UBTD1: variants seen among roughly 807,000 people sequenced by gnomAD.
The protein encoded by UBTD1 is ubiquitin domain-containing protein 1.
Under a neutral mutation model 21.7 loss-of-function variants are expected in UBTD1, and 19 were observed. The observed-to-expected ratio is 0.87, with a 90% confidence interval of 0.61 to 1.28. The LOEUF (loss-of-function observed/expected upper bound fraction) is 1.28. Ranked by LOEUF, UBTD1 falls within the 50% of genes most tolerant of loss-of-function variation. The pLI is 0.00. For synonymous variants in UBTD1, 116 were observed against 135.1 expected (o/e 0.86, Z 0.98); for missense variants, 282 against 315.1 (o/e 0.89, Z 0.80).
intron 1 of UBTD1, among the ~76,000 whole-genome samples, chr10:97,565,631 G>A (rs2040713961): frequency 6.6e-6 from 1 of 152,082 alleles, no homozygotes; most frequent in Non-Finnish European, 1.5e-5. Context: ...CAGACTGGGC[G>A]ACAGAGTGAC....
At chr10:97,560,997 C>T (rs964814445) in intron 1 of UBTD1, among the ~76,000 whole-genome samples, 1 of 152,110 alleles carries the variant, frequency 6.6e-6, no homozygotes, top group Non-Finnish European at 1.5e-5. Flanking sequence ...GCAGGCACGT[C>T]GTGGGTGATC....
chr10:97,557,795 T>G (rs1464068313), intron 1 of UBTD1, among the ~76,000 whole-genome samples: 2 of 152,176 alleles, frequency 1.3e-5, no homozygotes, highest in Non-Finnish European at 2.9e-5. Context: ...GGTTGGTTAT[T>G]TCCTGGGCTA....
intron 1 of UBTD1, among the ~76,000 whole-genome samples, chr10:97,506,107 A>G (rs2040398560): frequency 6.6e-6 from 1 of 152,130 alleles, no homozygotes; most frequent in Non-Finnish European, 1.5e-5. Flanking sequence ...TTTCTCTCAA[A>G]AGTGTTACCT....
intron 1 of UBTD1, among the ~76,000 whole-genome samples, chr10:97,528,308 C>G (rs1316519185): frequency 7.1e-6 from 1 of 140,624 alleles, no homozygotes; most frequent in Non-Finnish European, 1.6e-5. Context: ...GGGGCTGACC[C>G]CCAACCTCCC....
intron 1 of UBTD1, among the ~76,000 whole-genome samples, chr10:97,515,373 T>G (rs2040439643): frequency 6.6e-6 from 1 of 152,172 alleles, no homozygotes; most frequent in African/African-American, 2.4e-5. Context: ...GTGGGGCCAG[T>G]TTTTCTTCAT....
At chr10:97,545,711 G>A (rs1174042683) in intron 1 of UBTD1, among the ~76,000 whole-genome samples, 1 of 152,248 alleles carries the variant, frequency 6.6e-6, no homozygotes, top group East Asian at 1.9e-4. Context: ...TGAAGCTGAT[G>A]TTCAAGCCCA....
At chr10:97,539,359 T>TA (rs1461663870) in intron 1 of UBTD1, among the ~76,000 whole-genome samples, 2 of 152,106 alleles carry the variant, frequency 1.3e-5, no homozygotes, top group East Asian at 3.9e-4. Flanking sequence ...TTTAGGAGGC[T>TA]AAGGCGGGAG....
chr10:97,548,877 C>T lies in UBTD1; in HGVS notation c.71-19037C>T, dbSNP rs1159513311. ...GGCCAGTTTTCCTCTGGAAATGGGTCGGGGGATGGCTGGTCAGTGCCCAGC... is the reference window on the plus strand; with the variant it reads ...GGCCAGTTTTCCTCTGGAAATGGGTTGGGGGATGGCTGGTCAGTGCCCAGC... On this transcript the variant is annotated intron_variant, in intron 1 of 2. Coordinates refer to ENST00000370664, the MANE Select transcript of UBTD1 (RefSeq NM_024954.5). Among the ~76,000 whole-genome samples, 8 of 152,168 alleles carry T rather than the reference C, an allele frequency of 5.3e-5. No homozygotes were observed. In the South Asian group the frequency reaches 6.2e-4, roughly 12 times the overall value.
Position 97,528,081 on chromosome 10 carries a change from C to A in UBTD1, c.70+28808C>A, listed in dbSNP as rs1196713280. ...GGCGGCTGGCTGGGCGGGGGGCTGA[C>A]TCCCCCACCTCCCTCCCGGACGGGG... is the stretch of plus-strand genomic sequence containing the variant. On this transcript the variant is annotated intron_variant, in intron 1 of 2. Coordinates refer to ENST00000370664, the MANE Select transcript of UBTD1 (RefSeq NM_024954.5). Among the ~76,000 whole-genome samples, 5 of 115,742 alleles carry A rather than the reference C, an allele frequency of 4.3e-5. 1 individual carries two copies. Among genetic ancestry groups the A allele is most frequent in the Non-Finnish European group, 3.8e-5 (2 of 53,272 alleles). 75.9% of individuals were successfully genotyped at this position (115,742 alleles called of 152,430 possible). A position where few individuals can be genotyped will look rare whatever the true frequency, so the allele number is the denominator to read the frequency against.
intron 1 of UBTD1, among the ~76,000 whole-genome samples, chr10:97,505,543 T>C (rs1301199541): frequency 1.3e-5 from 2 of 152,232 alleles, no homozygotes; most frequent in Non-Finnish European, 2.9e-5. Context: ...AATAAGCTAA[T>C]GGTGGTTTAA....
At chr10:97,529,734 GGAAAGAGA>G (rs1218352109) in intron 1 of UBTD1, among the ~76,000 whole-genome samples, 3 of 53,220 alleles carry the variant, frequency 5.6e-5, no homozygotes, top group East Asian at 9.6e-4. Flanking sequence ...GGGAGACCGT[GGAAAGAGA>G]GGGAGAGGGA....
Position 97,533,529 on chromosome 10 carries a change from G to A in UBTD1, c.70+34256G>A, listed in dbSNP as rs1053034024. Among the ~76,000 whole-genome samples, 9 of 152,194 alleles carry A rather than the reference G, an allele frequency of 5.9e-5. No individual in the cohort carries two copies. In the East Asian group the frequency reaches 1.2e-3, roughly 20 times the overall value. On this transcript the variant is annotated intron_variant, in intron 1 of 2. Coordinates refer to ENST00000370664, the MANE Select transcript of UBTD1 (RefSeq NM_024954.5). ...GCCTGGCCTTGGGCTGGTGGAGCGT[G>A]TCTGAGGGAATGAGGCCTGATCTGT...
intron 1 of UBTD1, among the ~76,000 whole-genome samples, chr10:97,515,064 G>A (rs1433284664): frequency 6.6e-6 from 1 of 152,230 alleles, no homozygotes; most frequent in African/African-American, 2.4e-5. Context: ...GTGGCATAGG[G>A]ACAGATCTCA....
At chr10:97,521,386 A>G (rs760431911) in intron 1 of UBTD1, among the ~76,000 whole-genome samples, 16 of 152,144 alleles carry the variant, frequency 1.1e-4, no homozygotes, top group Non-Finnish European at 1.6e-4. Flanking sequence ...GTTCCCCCTG[A>G]GGGAGATCTC....
At chr10:97,534,868 T>C (rs1014230707) in intron 1 of UBTD1, among the ~76,000 whole-genome samples, 1 of 152,090 alleles carries the variant, frequency 6.6e-6, no homozygotes, top group Non-Finnish European at 1.5e-5. Flanking sequence ...AGAGTAGAAA[T>C]GATGTCAAGC....
intron 1 of UBTD1, among the ~76,000 whole-genome samples, chr10:97,559,987 G>GT (rs930764040): frequency 2.0e-5 from 3 of 151,152 alleles, no homozygotes; most frequent in Non-Finnish European, 3.0e-5. Context: ...CACATAAACT[G>GT]TTTTTTTTAA....
chr10:97,567,814 G>C, intron 1 of UBTD1, 100 bp from the exon 2 acceptor site: 1 of 1,132,408 alleles, frequency 8.8e-7, no homozygotes, highest in Non-Finnish European at 1.3e-6. Context: ...CAGTGCAGCA[G>C]GGTTTCAGGG....
intron 1 of UBTD1, among the ~76,000 whole-genome samples, chr10:97,555,634 T>C (rs2040660315): frequency 1.4e-5 from 2 of 147,410 alleles, no homozygotes; most frequent in African/African-American, 2.5e-5. Flanking sequence ...CATGAAAGGG[T>C]TGTGATTGAT....
intron 1 of UBTD1, among the ~76,000 whole-genome samples, chr10:97,504,761 C>T (rs2040391482): frequency 6.6e-6 from 1 of 152,212 alleles, no homozygotes; most frequent in African/African-American, 2.4e-5. Context: ...TCTGATTGAT[C>T]TCCTACCTTA....
Sources: gnomAD v4.1 joint callset for allele counts (sites outside exome capture counted in the v4.1 genomes callset) on GRCh38, gnomAD v4.1.1 for gene constraint, MANE v1.5 for transcripts, NCBI Gene and HGNC (gene_info 2026-07-23, HGNC 2026-07-21) for gene names.